The following OTOP1 variants were observed in gnomAD, a reference collection of about 807,000 sequenced individuals.
The protein encoded by OTOP1 is proton channel OTOP1.
OTOP1 carries 59 observed loss-of-function variants against 52.9 expected under a neutral mutation model. The ratio of observed to expected loss-of-function variants is 1.12; its 90% confidence interval spans 0.91 to 1.39. The LOEUF (loss-of-function observed/expected upper bound fraction) is 1.39. Among genes scored for constraint, OTOP1 ranks in the 40% most tolerant of loss-of-function variants. OTOP1 has a pLI of 0.00. For missense variants in OTOP1, 761 were observed against 800.9 expected, an observed-to-expected ratio of 0.95 and a Z score of 0.60; for synonymous variants, 317 against 337.7, an observed-to-expected ratio of 0.94 and a Z score of 0.67.
At chr4:4,218,190 G>C (rs760654658) in intron 1 of OTOP1, among the ~76,000 whole-genome samples, 3 of 151,948 alleles carry the variant, frequency 2.0e-5, no homozygotes, top group Non-Finnish European at 2.9e-5. Flanking sequence ...TCAGGAGTTC[G>C]AGACGAGCCT....
At chr4:4,219,563 G>A (rs1263595403) in intron 1 of OTOP1, among the ~76,000 whole-genome samples, 5 of 151,922 alleles carry the variant, frequency 3.3e-5, no homozygotes, top group Admixed American at 2.0e-4. Context: ...TTAGCCGGGC[G>A]TGGTGGCGGG....
intron 1 of OTOP1, among the ~76,000 whole-genome samples, chr4:4,220,407 G>A: frequency 6.6e-6 from 1 of 152,128 alleles, no homozygotes. Flanking sequence ...TTGGATGTCT[G>A]TGGAATATTG....
At chr4:4,194,394 G>A (rs1414617515) in intron 5 of OTOP1, among the ~76,000 whole-genome samples, 2 of 152,196 alleles carry the variant, frequency 1.3e-5, no homozygotes, top group Non-Finnish European at 2.9e-5. Flanking sequence ...CTGGCATACA[G>A]CAGTTTCCTG....
intron 2 of OTOP1, among the ~76,000 whole-genome samples, chr4:4,209,527 C>G (rs1397572277): frequency 6.6e-6 from 1 of 152,136 alleles, no homozygotes; most frequent in Non-Finnish European, 1.5e-5. Flanking sequence ...ATTCTTCTGC[C>G]TAAAGCCTTC....
At chr4:4,203,521 T>A (rs1476061538) in intron 3 of OTOP1, among the ~76,000 whole-genome samples, 1 of 152,172 alleles carries the variant, frequency 6.6e-6, no homozygotes, top group East Asian at 1.9e-4. Context: ...TGCTGCCTCC[T>A]AAGGCAGAAG....
rs1461766906 is a variant in OTOP1 at position 4,197,987 on chromosome 4, T to C, written c.847A>G (p.Thr283Ala). Residue 283 changes from threonine (T) to alanine (A), a missense_variant, in exon 5 of 6, where the codon ACA (threonine) becomes GCA (alanine). Thr to Ala is a moderately conservative substitution (Grantham distance 58, BLOSUM62 0). Coordinates refer to ENST00000296358, the MANE Select transcript of OTOP1 (RefSeq NM_177998.3). ...FNIEYQILAS[T>A]MLYVLWKNIG... ...TTCTTCCACAGGACGTAGAGCATTG[T>C]GGAGGCCAGGATCTGATACTCTATG... 1 of 1,613,940 alleles carries C rather than the reference T, an allele frequency of 6.2e-7. No individual in the cohort carries two copies. The highest frequency in any genetic ancestry group is 8.5e-7 in the Non-Finnish European group (1 of 1,180,018).
intron 3 of OTOP1, among the ~76,000 whole-genome samples, chr4:4,204,220 G>A (rs1716849186): frequency 6.6e-6 from 1 of 152,164 alleles, no homozygotes; most frequent in South Asian, 2.1e-4. Flanking sequence ...CACAATTGGA[G>A]AAGGAAACAG....
intron 1 of OTOP1, among the ~76,000 whole-genome samples, chr4:4,220,082 T>TATATATATATATATATATGTATAC (rs1717262693): frequency 2.4e-4 from 1 of 4,162 alleles, no homozygotes; most frequent in African/African-American, 7.0e-4. Flanking sequence ...TATGTATACA[T>TATATATATATATATATATGTATAC]ATATATATAT....
chr4:4,219,854 CATGTATAT>C (rs1364902243), intron 1 of OTOP1, among the ~76,000 whole-genome samples: 1 of 143,534 alleles, frequency 7.0e-6, no homozygotes, highest in Non-Finnish European at 1.5e-5. Flanking sequence ...TACACATATA[CATGTATAT>C]ATGTATACAT....
Position 4,199,201 on chromosome 4 carries a change from A to T in OTOP1, c.731-1098T>A, listed in dbSNP as rs1177389773. Among the ~76,000 whole-genome samples the T allele has an allele frequency of 8.5e-4, 106 of 123,988 alleles. 1 individual carries two copies. The highest frequency in any genetic ancestry group is 1.4e-3 in the Non-Finnish European group (80 of 57,496). 81.3% of individuals were successfully genotyped at this position (123,988 alleles called of 152,430 possible). A position where few individuals can be genotyped will look rare whatever the true frequency, so the allele number is the denominator to read the frequency against. On this transcript the variant is annotated intron_variant, in intron 4 of 5. Transcript: ENST00000296358. ...GAGACTCAGTCTCAAAATATAATTT[A>T]AAAAAAACTCAGGTAAAATTGTGTG...
chr4:4,210,285 A>G (rs1235239199), intron 2 of OTOP1, among the ~76,000 whole-genome samples: 15 of 152,202 alleles, frequency 9.9e-5, no homozygotes, highest in Admixed American at 9.8e-4. Context: ...CTCTGTCTTC[A>G]TGGGATTTGG....
intron 4 of OTOP1, 83 bp from the exon 5 acceptor site, chr4:4,198,186 G>A (rs763324744): frequency 5.5e-5 from 66 of 1,195,746 alleles, no homozygotes; most frequent in East Asian, 7.3e-5. Flanking sequence ...TGTTTCCACC[G>A]TGGATTCAGG....
At chr4:4,193,625 C>T (rs1170552280) in intron 5 of OTOP1, among the ~76,000 whole-genome samples, 1 of 152,164 alleles carries the variant, frequency 6.6e-6, no homozygotes, top group African/African-American at 2.4e-5. Flanking sequence ...GATTTCCATC[C>T]TCTGCTTCAA....
At chr4:4,202,223 C>A (rs1238941460) in intron 4 of OTOP1, among the ~76,000 whole-genome samples, 1 of 152,156 alleles carries the variant, frequency 6.6e-6, no homozygotes, top group Non-Finnish European at 1.5e-5. Context: ...TCTTACAAGT[C>A]CCTGAGTCAT....
rs756270899 is a variant in OTOP1 at position 4,226,768 on chromosome 4, A to G, written c.97T>C (p.Ser33Pro). ...GATTCCGGGGACCTCGGGGCCGAGG[A>G]CGAGGGAGGCGAGCAGGCCGCTGGC... ...SGPAACSPPS[S>P]SAPRSPESPA... Residue 33 changes from serine to proline, a missense_variant, in exon 1 of 6, where the codon TCC becomes CCC. By Grantham distance (74) the Ser-to-Pro change is moderately conservative. Transcript: ENST00000296358. 34 of 1,380,090 alleles carry G rather than the reference A, an allele frequency of 2.5e-5. No homozygotes were observed. The highest frequency in any genetic ancestry group is 3.0e-5 in the Non-Finnish European group (32 of 1,069,246). 85.5% of individuals were successfully genotyped at this position (1,380,090 alleles called of 1,614,324 possible). A position where few individuals can be genotyped will look rare whatever the true frequency, so the allele number is the denominator to read the frequency against.
chr4:4,212,655 G>C (rs1274580947), intron 2 of OTOP1, among the ~76,000 whole-genome samples: 1 of 152,124 alleles, frequency 6.6e-6, no homozygotes, highest in Non-Finnish European at 1.5e-5. Flanking sequence ...TGCCTCATAG[G>C]ATCCCTGCAA....
chr4:4,201,093 T>C (rs10755152), intron 4 of OTOP1, among the ~76,000 whole-genome samples: 59,944 of 152,070 alleles, frequency 0.39, 13,464 homozygotes, highest in Non-Finnish European at 0.52. Context: ...TGGGCTAACT[T>C]CTCCGTGGCT....
chr4:4,198,154 G>A, intron 4 of OTOP1, 51 bp from the exon 5 acceptor site: 1 of 1,493,036 alleles, frequency 6.7e-7, no homozygotes, highest in Non-Finnish European at 9.3e-7. Flanking sequence ...GGTGCAAGGG[G>A]GAACAGAAAA....
In OTOP1 at chr4:4,211,348, C is replaced by T. The variant is rs117822556; in HGVS notation, c.540+1520G>A. On this transcript the variant is annotated intron_variant, in intron 2 of 5. Coordinates refer to ENST00000296358, the MANE Select transcript of OTOP1 (RefSeq NM_177998.3). Reference sequence around the variant, plus strand: ...AATGGCAGTATCACTAGAACAAGTTCATGGTCTTCCAGGTGACTTGTCAGG... The same window carrying T: ...AATGGCAGTATCACTAGAACAAGTTTATGGTCTTCCAGGTGACTTGTCAGG... Among the ~76,000 whole-genome samples, 99 of 152,320 alleles carry T rather than the reference C, an allele frequency of 6.5e-4. 1 individual carries two copies. The East Asian group carries it at 0.015, about 23-fold the overall frequency.
Sources: gnomAD v4.1 joint callset for allele counts (sites outside exome capture counted in the v4.1 genomes callset) on GRCh38, gnomAD v4.1.1 for gene constraint, MANE v1.5 for transcripts, NCBI Gene and HGNC (gene_info 2026-07-23, HGNC 2026-07-21) for gene names.